Variants in PCCA observed in about 807,000 individuals in gnomAD.
PCCA encodes the protein propionyl-CoA carboxylase subunit alpha.
In PCCA, 74 loss-of-function variants were observed where a neutral mutation model predicts 101.3. The ratio of observed to expected loss-of-function variants is 0.73; its 90% confidence interval spans 0.61 to 0.89. PCCA has a LOEUF of 0.89. Among genes scored for constraint, PCCA ranks in the 40% least tolerant of loss-of-function variants. The pLI, the probability that PCCA is intolerant of heterozygous loss-of-function variation, is 0.00. For missense variants in PCCA, 891 were observed against 907.0 expected (o/e 0.98, Z 0.23); for synonymous variants, 294 against 313.6 (o/e 0.94, Z 0.66).
At chr13:100,376,616 T>A (rs2075918298) in intron 19 of PCCA, among the ~76,000 whole-genome samples, 1 of 152,172 alleles carries the variant, frequency 6.6e-6, no homozygotes, top group Admixed American at 6.5e-5. Flanking sequence ...GCTTTGTTTA[T>A]TCTCTGAGGG....
chr13:100,406,558 G>C (rs2077694272), intron 19 of PCCA, among the ~76,000 whole-genome samples: 1 of 152,130 alleles, frequency 6.6e-6, no homozygotes, highest in Admixed American at 6.5e-5. Flanking sequence ...TACAAAATTA[G>C]CTGGGTGTGG....
In PCCA at chr13:100,322,032, G is replaced by A. The variant is rs1269406412; in HGVS notation, c.1430-8529G>A. Among the ~76,000 whole-genome samples, 3 of 152,154 alleles carry A rather than the reference G, an allele frequency of 2.0e-5. No individual in the cohort carries two copies. In the South Asian group the frequency reaches 6.2e-4, roughly 32 times the overall value. On this transcript the variant is annotated intron_variant, in intron 16 of 23. Coordinates refer to ENST00000376285, the MANE Select transcript of PCCA (RefSeq NM_000282.4). ...CATGCACTAGGGTACAGGGTAACCT[G>A]CTGTAACAAAGATTTCTAAATACAG...
chr13:100,136,619 T>A (rs2051207098), intron 4 of PCCA, among the ~76,000 whole-genome samples: 1 of 152,240 alleles, frequency 6.6e-6, no homozygotes. Context: ...TTTGAGTGTG[T>A]TTTGTTAGCT....
chr13:100,356,127 T>C (rs1479423652), intron 18 of PCCA, among the ~76,000 whole-genome samples: 1 of 152,110 alleles, frequency 6.6e-6, no homozygotes, highest in East Asian at 1.9e-4. Flanking sequence ...TTAAGAATCA[T>C]AGACCTAAAT....
At chr13:100,330,526 C>G (rs1421481107) in intron 16 of PCCA, 35 bp from the exon 17 acceptor site, 1 of 1,251,984 alleles carries the variant, frequency 8.0e-7, no homozygotes, top group East Asian at 2.3e-5. Context: ...TTCACTGATT[C>G]ATTGTTCTTC....
chr13:100,261,208 A>G (rs1040638886), intron 9 of PCCA, among the ~76,000 whole-genome samples: 3 of 152,108 alleles, frequency 2.0e-5, no homozygotes, highest in Admixed American at 6.5e-5. Context: ...ATTGGCTTTA[A>G]TGTTGTACAT....
chr13:100,122,935 A>G (rs1463024086), intron 4 of PCCA, among the ~76,000 whole-genome samples: 2 of 152,362 alleles, frequency 1.3e-5, no homozygotes, highest in Non-Finnish European at 2.9e-5. Flanking sequence ...CTCTGCCACA[A>G]GTGTTCTGAA....
intron 6 of PCCA, among the ~76,000 whole-genome samples, chr13:100,178,483 C>G (rs113545374): frequency 6.6e-6 from 1 of 152,064 alleles, no homozygotes; most frequent in Non-Finnish European, 1.5e-5. Context: ...TTAATTTACC[C>G]CCTACTGACA....
At chr13:100,321,653 A>AATAT (rs144131029) in intron 16 of PCCA, among the ~76,000 whole-genome samples, 3 of 144,574 alleles carry the variant, frequency 2.1e-5, no homozygotes, top group Admixed American at 1.4e-4. Context: ...AGCAATCTAT[A>AATAT]ATATATATAT....
intron 14 of PCCA, among the ~76,000 whole-genome samples, chr13:100,303,423 C>G (rs1173803713): frequency 6.6e-6 from 1 of 152,054 alleles, no homozygotes; most frequent in Non-Finnish European, 1.5e-5. Flanking sequence ...TGAATTAAGG[C>G]AAACAAAGTG....
intron 16 of PCCA, among the ~76,000 whole-genome samples, chr13:100,321,616 TG>T: frequency 6.6e-6 from 1 of 150,636 alleles, no homozygotes; most frequent in African/African-American, 2.4e-5. Context: ...TGTGTGTGTG[TG>T]TGTGTGTGTG....
At chr13:100,442,067 C>G (rs1382754355) in intron 20 of PCCA, among the ~76,000 whole-genome samples, 2 of 150,264 alleles carry the variant, frequency 1.3e-5, no homozygotes, top group African/African-American at 2.5e-5. Flanking sequence ...GATCTCAGCT[C>G]ACTGCAACCT....
chr13:100,289,212 C>T (rs2064936109), intron 12 of PCCA, among the ~76,000 whole-genome samples: 1 of 152,200 alleles, frequency 6.6e-6, no homozygotes, highest in Admixed American at 6.5e-5. Context: ...TGAAATCCTA[C>T]TTTGACTCAT....
chr13:100,472,105 G>A (rs922073476), intron 21 of PCCA, among the ~76,000 whole-genome samples: 19 of 152,128 alleles, frequency 1.2e-4, no homozygotes, highest in South Asian at 2.1e-4. Context: ...ATGGGGCTGC[G>A]TTCCCTATTT....
intron 21 of PCCA, among the ~76,000 whole-genome samples, chr13:100,507,712 A>C (rs981320131): frequency 2.0e-5 from 3 of 152,056 alleles, no homozygotes; most frequent in Non-Finnish European, 2.9e-5. Context: ...GCTGGAGTGC[A>C]GTGGCGCGAT....
chr13:100,525,653 G>A (rs1489292010), intron 22 of PCCA, among the ~76,000 whole-genome samples: 1 of 152,248 alleles, frequency 6.6e-6, no homozygotes, highest in Non-Finnish European at 1.5e-5. Flanking sequence ...TGCCTGTCTG[G>A]CCCGCAGATT....
chr13:100,359,375 T>A (rs1332730105), intron 18 of PCCA, among the ~76,000 whole-genome samples: 1 of 152,066 alleles, frequency 6.6e-6, no homozygotes, highest in Non-Finnish European at 1.5e-5. Context: ...GGCATAGAAA[T>A]CAGAAAGGAA....
intron 12 of PCCA, among the ~76,000 whole-genome samples, chr13:100,287,315 A>G (rs1281012642): frequency 6.6e-6 from 1 of 152,052 alleles, no homozygotes; most frequent in Non-Finnish European, 1.5e-5. Flanking sequence ...AAATTAGCCT[A>G]TAGATTAGCT....
intron 6 of PCCA, among the ~76,000 whole-genome samples, chr13:100,177,400 A>G (rs567452665): frequency 6.6e-6 from 1 of 152,302 alleles, no homozygotes; most frequent in Non-Finnish European, 1.5e-5. Flanking sequence ...GTCTTGCATA[A>G]TGAAAATTTT....
Sources: allele counts gnomAD v4.1 joint callset (sites outside exome capture counted in the v4.1 genomes callset), GRCh38; gene constraint gnomAD v4.1.1; transcripts MANE v1.5; gene names NCBI Gene and HGNC (gene_info 2026-07-23, HGNC 2026-07-21).